PRKN: variants seen among roughly 807,000 people sequenced by gnomAD.
The protein encoded by PRKN is parkin RBR E3 ubiquitin protein ligase, also known as E3 ubiquitin-protein ligase parkin.
A neutral mutation model predicts 59.5 loss-of-function variants in PRKN; 56 were observed. That is an observed-to-expected ratio of 0.94 (90% CI 0.76 to 1.18). The LOEUF is 1.18. Ranked by LOEUF, PRKN falls within the 50% of genes most tolerant of loss-of-function variation. PRKN has a pLI of 0.00. For synonymous variants in PRKN, 250 were observed against 222.1 expected, an observed-to-expected ratio of 1.13 and a Z score of -1.12; for missense variants, 657 against 596.4, an observed-to-expected ratio of 1.10 and a Z score of -1.06.
intron 2 of PRKN, among the ~76,000 whole-genome samples, chr6:162,422,078 C>T (rs1195322289): frequency 6.6e-6 from 1 of 152,116 alleles, no homozygotes; most frequent in Non-Finnish European, 1.5e-5. Context: ...ACTGGGAATT[C>T]TTTAGTCTTG....
Position 161,791,419 on chromosome 6 carries a change from A to C in PRKN, c.735-5511T>G, listed in dbSNP as rs555230616. On this transcript the variant is annotated intron_variant, in intron 6 of 11. Transcript: ENST00000366898. ...CTACAAAAATAGCATGCGAGTTTTT[A>C]TGTTTATCTAGAAAAATGTGCAATT... Among the ~76,000 whole-genome samples the C allele has an allele frequency of 9.2e-5, 14 of 152,312 alleles. No homozygotes were observed. The South Asian group carries it at 1.2e-3, about 14-fold the overall frequency.
At chr6:161,860,471 T>A (rs1245614678) in intron 6 of PRKN, among the ~76,000 whole-genome samples, 1 of 152,248 alleles carries the variant, frequency 6.6e-6, no homozygotes, top group Non-Finnish European at 1.5e-5. Flanking sequence ...ATATTTGCGA[T>A]CTCGCACTCA....
rs531913680 is a variant in PRKN at position 162,100,236 on chromosome 6, C to T, written c.535-46062G>A. Among the ~76,000 whole-genome samples the T allele has an allele frequency of 2.6e-5, 4 of 152,248 alleles. No homozygotes were observed. In the South Asian group the frequency reaches 6.2e-4, roughly 24 times the overall value. On this transcript the variant is annotated intron_variant, in intron 4 of 11. Transcript: ENST00000366898. ...CTATTGTGAATAGTGCGGCAAAGGA[C>T]ATGGGAGTGCAGACATCCCTTGACA...
chr6:161,402,284 C>A lies in PRKN; in HGVS notation c.1084-15407G>T, dbSNP rs1483012587. ...GTCTTATGAAATTATAAAATAAAAC[C>A]CAGACTTATAAGACTCTTCCCCTGC... On this transcript the variant is annotated intron_variant, in intron 9 of 11. Coordinates refer to ENST00000366898, the MANE Select transcript of PRKN (RefSeq NM_004562.3). The surrounding 1 kb of genome is among the most constrained non-coding windows in gnomAD (Gnocchi z 4.5). Among the ~76,000 whole-genome samples the A allele has an allele frequency of 2.0e-5, 3 of 152,126 alleles. No homozygotes were observed. The highest frequency in any genetic ancestry group is 3.8e-4 in the East Asian group (2 of 5,202).
rs182846165 is a variant in PRKN, at chr6:161,461,281, A to T, written c.1084-74404T>A. 6.6e-4 allele frequency among the ~76,000 whole-genome samples: 101 copies of T among 152,318 alleles called. No homozygotes were observed. Among genetic ancestry groups the T allele is most frequent in the African/African-American group, 2.2e-3 (90 of 41,570 alleles). On this transcript the variant is annotated intron_variant, in intron 9 of 11. Transcript: ENST00000366898. The surrounding 1 kb of genome is among the most constrained non-coding windows in gnomAD (Gnocchi z 5.1). Reference sequence around the variant, plus strand: ...CCCGGAAATGGTTCAACATGAGTTAAGTATAAGGTGTCGCTGGAGATGAGG... The same window carrying T: ...CCCGGAAATGGTTCAACATGAGTTATGTATAAGGTGTCGCTGGAGATGAGG...
rs1471939819 is a variant in PRKN at position 161,552,572 on chromosome 6, A to G, written c.934-3569T>C. ...TCTTGACCTGTCCAAATCCTTCCAC[A>G]TTGAAAAAAAACAAAAACAAAAAAC... On this transcript the variant is annotated intron_variant, in intron 8 of 11. Transcript: ENST00000366898. This position sits in a 1 kb window ranked among gnomAD's most constrained non-coding sequence, Gnocchi z 4.9. 6.6e-6 allele frequency among the ~76,000 whole-genome samples: 1 copy of G among 151,706 alleles called. No individual in the cohort carries two copies. Among genetic ancestry groups the G allele is most frequent in the Non-Finnish European group, 1.5e-5 (1 of 67,978 alleles).
chr6:162,248,857 A>G (rs2128094847), intron 3 of PRKN, among the ~76,000 whole-genome samples: 1 of 152,150 alleles, frequency 6.6e-6, no homozygotes, highest in South Asian at 2.1e-4. Context: ...CACTTTGGAT[A>G]TAATAGACTA....
At chr6:162,352,696 CT>C (rs905677405) in intron 2 of PRKN, among the ~76,000 whole-genome samples, 1 of 152,160 alleles carries the variant, frequency 6.6e-6, no homozygotes, top group African/African-American at 2.4e-5. Flanking sequence ...CATCTCACGT[CT>C]AATTATTTTC....
chr6:161,720,070 A>G (rs1787157264), intron 7 of PRKN, among the ~76,000 whole-genome samples: 1 of 152,226 alleles, frequency 6.6e-6, no homozygotes, highest in East Asian at 1.9e-4. Context: ...AGCACAACAA[A>G]CCAACAGAGA....
At position 161,353,000 on chromosome 6, in the gene PRKN, AAACTCC is replaced by A. The variant is rs1320994786; in HGVS notation, c.1286-2795_1286-2790del. Among the ~76,000 whole-genome samples the A allele has an allele frequency of 6.6e-6, 1 of 151,868 alleles. No individual in the cohort carries two copies. Among genetic ancestry groups the A allele is most frequent in the Non-Finnish European group, 1.5e-5 (1 of 67,970 alleles). On this transcript the variant is annotated intron_variant, in intron 11 of 11. Transcript: ENST00000366898. This position sits in a 1 kb window ranked among gnomAD's most constrained non-coding sequence, Gnocchi z 5.8. ...TCACCATGTTGACCAGGCTGGTCTC[AAACTCC>A]TGACCTCGTGATCTGCCTGCCTTGG...
intron 1 of PRKN, among the ~76,000 whole-genome samples, chr6:162,690,973 T>C (rs941972997): frequency 6.6e-6 from 1 of 152,170 alleles, no homozygotes; most frequent in African/African-American, 2.4e-5. Flanking sequence ...TAAATACCTT[T>C]GGTTATGAAG....
chr6:162,419,102 A>G (rs1583541735), intron 2 of PRKN, among the ~76,000 whole-genome samples: 1 of 152,112 alleles, frequency 6.6e-6, no homozygotes, highest in East Asian at 2.0e-4. Flanking sequence ...TGGTAAGAAG[A>G]TCCAACATCA....
At chr6:162,139,524 A>G (rs1378581944) in intron 4 of PRKN, among the ~76,000 whole-genome samples, 28 of 152,116 alleles carry the variant, frequency 1.8e-4, no homozygotes, top group Admixed American at 1.8e-3. Flanking sequence ...GGTAAAGAGA[A>G]TCAGCATGGC....
At position 162,404,928 on chromosome 6, in the gene PRKN, G is replaced by A. The variant is rs367627050; in HGVS notation, c.171+38382C>T. ...TACTTTTAGCAGCATAGAATCCAAC[G>A]CTTGCCTTCCTTCATAGATCTCTAT... On this transcript the variant is annotated intron_variant, in intron 2 of 11. Transcript: ENST00000366898. Among the ~76,000 whole-genome samples, 67 of 152,204 alleles carry A rather than the reference G, an allele frequency of 4.4e-4. 1 individual carries two copies. The highest frequency in any genetic ancestry group is 1.5e-3 in the African/African-American group (64 of 41,510).
chr6:162,102,788 AATCCCAGCACT>A (rs1780028209), intron 4 of PRKN, among the ~76,000 whole-genome samples: 1 of 152,264 alleles, frequency 6.6e-6, no homozygotes, highest in African/African-American at 2.4e-5. Context: ...TCACGCCTGT[AATCCCAGCACT>A]TTGGGAGGCC....
intron 2 of PRKN, among the ~76,000 whole-genome samples, chr6:162,397,484 G>T (rs1036672915): frequency 6.6e-6 from 1 of 151,884 alleles, no homozygotes; most frequent in African/African-American, 2.4e-5. Flanking sequence ...GGCTGTACTA[G>T]ATATTTGGAG....
At chr6:161,776,559 A>G (rs1789932794) in intron 7 of PRKN, among the ~76,000 whole-genome samples, 1 of 152,216 alleles carries the variant, frequency 6.6e-6, no homozygotes, top group Admixed American at 6.5e-5. Flanking sequence ...CTTCTTGCTT[A>G]CAGACTGCCC....
chr6:162,701,889 C>T (rs997262766), intron 1 of PRKN, among the ~76,000 whole-genome samples: 2 of 149,278 alleles, frequency 1.3e-5, no homozygotes, highest in African/African-American at 2.5e-5. Flanking sequence ...ACACACACCC[C>T]CCCGACAAAA....
chr6:161,846,438 T>C (rs943094388), intron 6 of PRKN, among the ~76,000 whole-genome samples: 9 of 152,188 alleles, frequency 5.9e-5, no homozygotes, highest in African/African-American at 2.2e-4. Context: ...AACAGATTTG[T>C]TCACTCATTC....
Sources: gnomAD v4.1 joint callset for allele counts (sites outside exome capture counted in the v4.1 genomes callset) on GRCh38, gnomAD v4.1.1 for gene constraint, Gnocchi (gnomAD v3.1) non-coding constraint, MANE v1.5 for transcripts, NCBI Gene and HGNC (gene_info 2026-07-23, HGNC 2026-07-21) for gene names.